IQSEC1: variants seen among roughly 807,000 people sequenced by gnomAD.
The protein encoded by IQSEC1 is IQ motif and Sec7 domain ArfGEF 1, also known as IQ motif and SEC7 domain-containing protein 1.
IQSEC1 carries 31 observed loss-of-function variants against 91.0 expected under a neutral mutation model. The ratio of observed to expected loss-of-function variants is 0.34; its 90% CI spans 0.26 to 0.46. The LOEUF is 0.46. Among genes scored for constraint, IQSEC1 ranks in the 20% least tolerant of loss-of-function variants. IQSEC1 has a pLI of 1.00. For synonymous variants in IQSEC1, 699 were observed against 662.6 expected, an observed-to-expected ratio of 1.05 and a Z score of -0.84; for missense variants, 1,388 against 1,575.6, an observed-to-expected ratio of 0.88 and a Z score of 2.02.
chr3:13,239,606 A>G (rs2125101070), intron 1 of IQSEC1, among the ~76,000 whole-genome samples: 1 of 152,356 alleles, frequency 6.6e-6, no homozygotes, highest in South Asian at 2.1e-4. Flanking sequence ...AGGAACCTAG[A>G]TGGTCCATGG....
chr3:13,156,848 G>A (rs1404194754), intron 2 of IQSEC1, among the ~76,000 whole-genome samples: 1 of 152,194 alleles, frequency 6.6e-6, no homozygotes, highest in African/African-American at 2.4e-5. Context: ...CTAGGCTGAG[G>A]GAACAGCACA....
At chr3:12,961,258 A>T (rs1211854811) in intron 1 of IQSEC1, among the ~76,000 whole-genome samples, 1 of 152,226 alleles carries the variant, frequency 6.6e-6, no homozygotes, top group African/African-American at 2.4e-5. Flanking sequence ...GCTCTGCTCC[A>T]TCTGACACAG....
At chr3:12,944,163 C>T (rs1018205494) in intron 1 of IQSEC1, among the ~76,000 whole-genome samples, 19 of 152,342 alleles carry the variant, frequency 1.2e-4, no homozygotes, top group African/African-American at 4.6e-4. Flanking sequence ...GAACACCACC[C>T]TTCGAGATTC....
intron 1 of IQSEC1, among the ~76,000 whole-genome samples, chr3:13,061,597 G>A (rs1705069938): frequency 6.6e-6 from 1 of 152,138 alleles, no homozygotes; most frequent in Non-Finnish European, 1.5e-5. Context: ...CATGACTCCA[G>A]GCCCTGTGCT....
chr3:12,910,529 G>A (rs1338415761), intron 10 of IQSEC1, among the ~76,000 whole-genome samples: 1 of 152,268 alleles, frequency 6.6e-6, no homozygotes, highest in Non-Finnish European at 1.5e-5. Flanking sequence ...GGCCTCCCCT[G>A]GGACCAAGGC....
At chr3:13,079,830 T>C (rs1705621745) in intron 2 of IQSEC1, among the ~76,000 whole-genome samples, 1 of 152,226 alleles carries the variant, frequency 6.6e-6, no homozygotes, top group Non-Finnish European at 1.5e-5. Flanking sequence ...ATCACAGTTA[T>C]AATATGGTAG....
chr3:12,935,975 G>A lies in IQSEC1; in HGVS notation c.1041C>T (p.Ser347=). 1 of 1,599,284 alleles carries A rather than the reference G, an allele frequency of 6.3e-7. No individual in the cohort carries two copies. Among genetic ancestry groups the A allele is most frequent in the Non-Finnish European group, 8.5e-7 (1 of 1,179,608 alleles). Residue 347 remains serine (S), a synonymous_variant, in exon 3 of 14, where the codon AGC becomes AGT. Transcript: ENST00000613206. The surrounding 1 kb of genome is among the most constrained non-coding windows in gnomAD (Gnocchi z 8.0). ...GCTCCTGCCGCTCCAGCGACGGCGT[G>A]CTCCGGCAGCTCGTGTCCGTGTCAG... ...DKADTDTSCR[S]TPSLERQEQR...
intron 9 of IQSEC1, among the ~76,000 whole-genome samples, chr3:12,912,873 G>A (rs1379233202): frequency 6.6e-6 from 1 of 152,166 alleles, no homozygotes; most frequent in East Asian, 1.9e-4. Flanking sequence ...TCCAGCCCTT[G>A]TTTCCTTCAG....
At chr3:12,915,010 G>A (rs1179601146) in intron 8 of IQSEC1, 94 bp downstream of exon 8, 2 of 1,311,186 alleles carry the variant, frequency 1.5e-6, no homozygotes, top group East Asian at 2.5e-5. Flanking sequence ...CAGCACTTGG[G>A]CTCTGGGAGC....
intron 2 of IQSEC1, among the ~76,000 whole-genome samples, chr3:13,153,550 CT>C (rs1462612834): frequency 1.3e-5 from 2 of 152,346 alleles, no homozygotes; most frequent in East Asian, 3.9e-4. Flanking sequence ...CAGCCTACCC[CT>C]GTCCTATGTG....
intron 1 of IQSEC1, chr3:13,015,781 A>G (rs1703099531): frequency 1.0e-6 from 1 of 959,344 alleles, no homozygotes; most frequent in Admixed American, 6.2e-5. Flanking sequence ...GCCCTCCAAA[A>G]GGCCCCCAGG....
At chr3:13,058,669 G>A (rs1032286662) in intron 1 of IQSEC1, among the ~76,000 whole-genome samples, 5 of 152,214 alleles carry the variant, frequency 3.3e-5, no homozygotes, top group African/African-American at 1.2e-4. Flanking sequence ...ACAAGGGTGT[G>A]CTGGTTTCTG....
At chr3:13,057,042 C>T (rs80017713) in intron 1 of IQSEC1, among the ~76,000 whole-genome samples, 3,788 of 152,226 alleles carry the variant, frequency 0.025, 72 homozygotes, top group Non-Finnish European at 0.033. Flanking sequence ...TGAACATAAG[C>T]GGACACATAT....
chr3:13,168,020 T>C (rs1576280003), intron 1 of IQSEC1, among the ~76,000 whole-genome samples: 1 of 152,162 alleles, frequency 6.6e-6, no homozygotes, highest in Non-Finnish European at 1.5e-5. Context: ...AGTTTCCAGG[T>C]TTAAGCCTCA....
intron 1 of IQSEC1, among the ~76,000 whole-genome samples, chr3:13,181,299 A>G (rs1008182744): frequency 7.0e-6 from 1 of 141,874 alleles, no homozygotes; most frequent in African/African-American, 2.6e-5. Flanking sequence ...ACAAACAAAC[A>G]AAATATATGA....
chr3:13,044,362 C>A (rs766496680), intron 1 of IQSEC1, among the ~76,000 whole-genome samples: 1 of 152,166 alleles, frequency 6.6e-6, no homozygotes, highest in Non-Finnish European at 1.5e-5. Flanking sequence ...AATGGTCCTG[C>A]CCAAAATGTC....
In IQSEC1 at chr3:13,131,612, A is replaced by C. The variant is rs542136693; in HGVS notation, c.302+32492T>G. On this transcript the variant is annotated intron_variant, in intron 2 of 15. Coordinates refer to the IQSEC1 transcript ENST00000648114. Reference sequence around the variant, plus strand: ...AGCTATTCTTGTGCCTCAGCCTCCCAAGTAGCTGGGATCACAGGTGTGTGT... The same window carrying C: ...AGCTATTCTTGTGCCTCAGCCTCCCCAGTAGCTGGGATCACAGGTGTGTGT... Among the ~76,000 whole-genome samples the C allele has an allele frequency of 2.0e-5, 3 of 150,210 alleles. No individual in the cohort carries two copies. The East Asian group carries it at 5.9e-4, about 30-fold the overall frequency.
At chr3:13,032,069 A>G (rs1234989586) in intron 1 of IQSEC1, among the ~76,000 whole-genome samples, 1 of 151,934 alleles carries the variant, frequency 6.6e-6, no homozygotes, top group Non-Finnish European at 1.5e-5. Flanking sequence ...GCTTCCTCAT[A>G]TTCTCCTTTC....
At chr3:13,152,893 C>A (rs1001399782) in intron 2 of IQSEC1, among the ~76,000 whole-genome samples, 14 of 151,694 alleles carry the variant, frequency 9.2e-5, no homozygotes, top group Non-Finnish European at 2.1e-4. Context: ...ACAAAAACAA[C>A]CAAATGAAAA....
Sources: gnomAD v4.1 joint callset for allele counts (sites outside exome capture counted in the v4.1 genomes callset) on GRCh38, gnomAD v4.1.1 for gene constraint, Gnocchi (gnomAD v3.1) non-coding constraint, MANE v1.5 for transcripts, NCBI Gene and HGNC (gene_info 2026-07-23, HGNC 2026-07-21) for gene names.